NOX4: variants seen among roughly 807,000 people sequenced by gnomAD.
The protein encoded by NOX4 is kidney oxidase-1.
NOX4 carries 69 observed loss-of-function variants against 87.6 expected under a neutral mutation model. The observed-to-expected ratio is 0.79, with a 90% CI of 0.65 to 0.96. The LOEUF (loss-of-function observed/expected upper bound fraction) is 0.96, where lower values mean the gene tolerates loss of function less well. Among genes scored for constraint, NOX4 ranks in the 40% least tolerant of loss-of-function variants. The pLI, the probability that NOX4 is intolerant of heterozygous loss-of-function variation, is 0.00. For synonymous variants in NOX4, 275 were observed against 238.2 expected, an observed-to-expected ratio of 1.15 and a Z score of -1.42; for missense variants, 680 against 681.5, an observed-to-expected ratio of 1.00 and a Z score of 0.02.
intron 17 of NOX4, among the ~76,000 whole-genome samples, chr11:89,333,773 T>C (rs561704206): frequency 6.6e-6 from 1 of 151,954 alleles, no homozygotes; most frequent in Non-Finnish European, 1.5e-5. Context: ...ACCTGAAGAA[T>C]GTTGATCCAT....
At chr11:89,396,920 G>A (rs376392679) in intron 11 of NOX4, among the ~76,000 whole-genome samples, 138 of 151,840 alleles carry the variant, frequency 9.1e-4, no homozygotes, top group Non-Finnish European at 1.4e-3. Context: ...TGAGACAGAA[G>A]GTTAACAAGG....
At chr11:89,377,969 T>A (rs1939978055) in intron 11 of NOX4, among the ~76,000 whole-genome samples, 1 of 152,152 alleles carries the variant, frequency 6.6e-6, no homozygotes, top group South Asian at 2.1e-4. Flanking sequence ...TTCCCATATA[T>A]CTGGAAATAG....
intron 11 of NOX4, 94 bp from the exon 12 acceptor site, chr11:89,373,586 A>G (rs1242625392): frequency 1.3e-6 from 1 of 776,326 alleles, no homozygotes; most frequent in Non-Finnish European, 2.2e-6. Flanking sequence ...CAAGTCCCCC[A>G]TATCAATAGA....
chr11:89,402,789 G>T (rs1369829880), intron 8 of NOX4, among the ~76,000 whole-genome samples: 7 of 152,092 alleles, frequency 4.6e-5, no homozygotes, highest in Admixed American at 6.6e-5. Flanking sequence ...TAAATATGTG[G>T]TAGAGAAGAA....
intron 10 of NOX4, 32 bp downstream of exon 10, chr11:89,400,183 G>C: frequency 3.1e-6 from 5 of 1,603,054 alleles, no homozygotes; most frequent in Non-Finnish European, 4.3e-6. Context: ...AAGGATAAAG[G>C]CTATTTAAAA....
At position 89,457,561 on chromosome 11, in the gene NOX4, C is replaced by G. The variant is rs537762622; in HGVS notation, c.154-5666G>C. On this transcript the variant is annotated intron_variant, in intron 2 of 17. Transcript: ENST00000263317. The stretch of plus-strand genomic sequence containing the variant: ...AGAGACTGCAGCTGAGGGCCTAGTA[C>G]AGCCATCCAGAGTTAACAGGCAGTC... Among the ~76,000 whole-genome samples, 20 of 152,328 alleles carry G rather than the reference C, an allele frequency of 1.3e-4. No individual in the cohort carries two copies. In the East Asian group the frequency reaches 3.5e-3, roughly 26 times the overall value.
chr11:89,346,912 T>C (rs1946238663), intron 13 of NOX4, among the ~76,000 whole-genome samples: 1 of 152,202 alleles, frequency 6.6e-6, no homozygotes, highest in Non-Finnish European at 1.5e-5. Context: ...TACCTGCTGA[T>C]AGACCAGCGT....
chr11:89,552,827 A>G, the NOX4 span, among the ~76,000 whole-genome samples: 15 of 122,676 alleles, frequency 1.2e-4, no homozygotes, highest in East Asian at 3.2e-3. Flanking sequence ...TTTATCAAGT[A>G]ACTTACTGTG....
At chr11:89,535,949 G>A in the NOX4 span, among the ~76,000 whole-genome samples, 2 of 151,968 alleles carry the variant, frequency 1.3e-5, no homozygotes, top group African/African-American at 4.8e-5. Context: ...AAATCCCACG[G>A]TCTCTGCTTT....
At chr11:89,585,792 A>T in the NOX4 span, among the ~76,000 whole-genome samples, 2 of 152,158 alleles carry the variant, frequency 1.3e-5, no homozygotes, top group Non-Finnish European at 2.9e-5. Context: ...CCTTTAACCC[A>T]TTCACATCAC....
chr11:89,392,993 A>C (rs1250868085), intron 11 of NOX4, among the ~76,000 whole-genome samples: 1 of 152,064 alleles, frequency 6.6e-6, no homozygotes, highest in African/African-American at 2.4e-5. Context: ...CAAATTCTCT[A>C]TTGTGCTTAA....
At chr11:89,541,027 T>C in the NOX4 span, among the ~76,000 whole-genome samples, 1 of 152,046 alleles carries the variant, frequency 6.6e-6, no homozygotes, top group Non-Finnish European at 1.5e-5. Context: ...AGGTGTTTTA[T>C]AGTTGTTTAC....
At chr11:89,548,916 G>C in the NOX4 span, 1 of 152,036 alleles carries the variant, frequency 6.6e-6, no homozygotes, top group Non-Finnish European at 1.5e-5. Context: ...CATCCCACTG[G>C]AAATTCAACC....
At chr11:89,565,089 T>C in the NOX4 span, among the ~76,000 whole-genome samples, 5 of 152,164 alleles carry the variant, frequency 3.3e-5, no homozygotes, top group South Asian at 1.0e-3. Flanking sequence ...ATAGCTCAAT[T>C]TGAGGAGAAT....
intron 12 of NOX4, among the ~76,000 whole-genome samples, chr11:89,362,173 G>GACACAGACACACACACACACAC (rs936644259): frequency 9.1e-4 from 134 of 147,012 alleles, no homozygotes; most frequent in African/African-American, 3.0e-3. Flanking sequence ...CACAGACACA[G>GACACAGACACACACACACACAC]ACACACACAC....
chr11:89,569,992 ACT>A, the NOX4 span, among the ~76,000 whole-genome samples: 1 of 136,600 alleles, frequency 7.3e-6, no homozygotes, highest in African/African-American at 2.7e-5. Flanking sequence ...ACAGAGCGAG[ACT>A]CTGTCTCAAA....
At chr11:89,387,277 C>T (rs752314748) in intron 11 of NOX4, among the ~76,000 whole-genome samples, 18 of 152,080 alleles carry the variant, frequency 1.2e-4, no homozygotes, top group Non-Finnish European at 2.2e-4. Context: ...TGAAAATGGC[C>T]GGTTCCTGCT....
chr11:89,426,471 A>G (rs1943419749), intron 7 of NOX4, among the ~76,000 whole-genome samples: 1 of 152,006 alleles, frequency 6.6e-6, no homozygotes, highest in African/African-American at 2.4e-5. Context: ...TCCCTTGGCT[A>G]GCCAAGGGAA....
intron 8 of NOX4, among the ~76,000 whole-genome samples, chr11:89,419,773 G>C (rs1389999461): frequency 1.3e-5 from 2 of 151,822 alleles, no homozygotes; most frequent in Non-Finnish European, 2.9e-5. Context: ...AAAAAGTAAA[G>C]AACTCTCAAT....
Sources: allele counts gnomAD v4.1 joint callset (sites outside exome capture counted in the v4.1 genomes callset), GRCh38; gene constraint gnomAD v4.1.1; transcripts MANE v1.5; gene names NCBI Gene and HGNC (gene_info 2026-07-23, HGNC 2026-07-21).